The following RNF207 variants were observed in gnomAD, a reference collection of about 807,000 sequenced individuals.
RNF207 encodes the protein ring finger protein 207.
RNF207 carries 72 observed loss-of-function variants against 79.0 expected under a neutral mutation model. The observed-to-expected ratio is 0.91, with a 90% confidence interval of 0.75 to 1.11. The LOEUF (loss-of-function observed/expected upper bound fraction) is 1.11, where lower values mean the gene tolerates loss of function less well. RNF207 is among the 50% of genes least tolerant of loss of function. The pLI, the probability that RNF207 is intolerant of heterozygous loss-of-function variation, is 0.00. For synonymous variants in RNF207, 348 were observed against 366.2 expected, an observed-to-expected ratio of 0.95 and a Z score of 0.57; for missense variants, 936 against 855.8, an observed-to-expected ratio of 1.09 and a Z score of -1.17.
At chr1:6,213,705 G>T (rs1422923711) in intron 16 of RNF207, among the ~76,000 whole-genome samples, 1 of 152,160 alleles carries the variant, frequency 6.6e-6, no homozygotes, top group Non-Finnish European at 1.5e-5. Context: ...ACTTTCTAAG[G>T]GTGTCACGAG....
In RNF207 at chr1:6,212,291, A is replaced by G; in HGVS notation, c.1357A>G (p.Thr453Ala). 1 of 1,613,888 alleles carries G rather than the reference A, an allele frequency of 6.2e-7. No homozygotes were observed. Among genetic ancestry groups the G allele is most frequent in the Admixed American group, 1.7e-5 (1 of 60,000 alleles). Residue 453 changes from threonine to alanine, a missense_variant, in exon 14 of 18, where the codon ACC becomes GCC. Physicochemically the swap from Thr to Ala is moderately conservative, Grantham distance 58 (BLOSUM62 0). Transcript: ENST00000377939. ...GGTACAGGAGCTGCACCGAGACCTC[A>G]CCAAGCACCACTCGCTCATCAAGGC... ...DQVQELHRDL[T>A]KHHSLIKAEI...
At chr1:6,209,999 C>T (rs1047212259) in intron 8 of RNF207, 29 bp downstream of exon 8, 1 of 1,557,002 alleles carries the variant, frequency 6.4e-7, no homozygotes, top group Non-Finnish European at 8.7e-7. Context: ...GGCTTGCTTC[C>T]CTTACCCCTT....
chr1:6,206,228 G>C lies in RNF207; in HGVS notation c.-75G>C. On this transcript the variant is annotated 5_prime_UTR_variant, in exon 1 of 18. Transcript: ENST00000377939. ...GCGCGGTGTCTCAGAGCGCGGCCCG[G>C]AGCCGCACTAAGAGCGCTGGACGGC... 2 of 342,680 alleles carry C rather than the reference G, an allele frequency of 5.8e-6. No homozygotes were observed. Among genetic ancestry groups the C allele is most frequent in the Admixed American group, 4.7e-5 (1 of 21,066 alleles). 21.2% of individuals were successfully genotyped at this position (342,680 alleles called of 1,614,324 possible). A position where few individuals can be genotyped will look rare whatever the true frequency, so the allele number is the denominator to read the frequency against.
chr1:6,206,985 G>A (rs1467305394), intron 2 of RNF207, among the ~76,000 whole-genome samples: 2 of 152,234 alleles, frequency 1.3e-5, no homozygotes, highest in East Asian at 1.9e-4. Context: ...GAGGGTAAGG[G>A]CGGGGCTCCA....
rs1667981785 is a variant in RNF207 at position 6,207,990 on chromosome 1, C to T, written c.324+479C>T. ...CGGGAATCCCAGGAGGACGGCCCGA[C>T]TGGGGCAAAAGCTCCAGCGTTCTGG... On this transcript the variant is annotated intron_variant, in intron 3 of 17. Transcript: ENST00000377939. This position sits in a 1 kb window ranked among gnomAD's most constrained non-coding sequence, Gnocchi z 4.5. 1 of 329,982 alleles carries T rather than the reference C, an allele frequency of 3.0e-6. No homozygotes were observed. Among genetic ancestry groups the T allele is most frequent in the South Asian group, 2.5e-5 (1 of 39,866 alleles). The allele number at this position is 329,982 out of a possible 1,614,324, so 20.4% of individuals were successfully genotyped here. A position where few individuals can be genotyped will look rare whatever the true frequency, so the allele number is the denominator to read the frequency against.
Position 6,219,270 on chromosome 1 carries a change from A to G in RNF207, c.1768A>G (p.Lys590Glu). ...AGGAAGTGTCCCGGAAAAGAGAGAG[A>G]AGACATCAGAGCCTAAAGGAAACAG... ...NPGSVPEKRE[K>E]TSEPKGNSWA... The change falls in exon 18 of 18, where the codon AAG (lysine) becomes GAG (glutamate). Residue 590 changes from lysine to glutamate, a missense_variant. Coordinates refer to ENST00000377939, the MANE Select transcript of RNF207 (RefSeq NM_207396.3). 2 of 1,612,624 alleles carry G rather than the reference A, an allele frequency of 1.2e-6. No homozygotes were observed. The highest frequency in any genetic ancestry group is 1.7e-6 in the Non-Finnish European group (2 of 1,179,446).
rs191241219 is a variant in RNF207 at position 6,218,997 on chromosome 1, T to C, written c.1734-239T>C. On this transcript the variant is annotated intron_variant, in intron 17 of 17. Coordinates refer to ENST00000377939, the MANE Select transcript of RNF207 (RefSeq NM_207396.3). The stretch of plus-strand genomic sequence containing the variant: ...AGATGCTTCCAAATTCAAAATGCAG[T>C]GTCACCAGAAACCGCTGACACAGGC... Among the ~76,000 whole-genome samples, 6 of 152,202 alleles carry C rather than the reference T, an allele frequency of 3.9e-5. No homozygotes were observed. In the East Asian group the frequency reaches 9.7e-4, roughly 24 times the overall value.
In RNF207 at chr1:6,219,446, G is replaced by A; in HGVS notation, c.*39G>A. The A allele has an allele frequency of 1.4e-6, 2 of 1,472,116 alleles. No individual in the cohort carries two copies. Among genetic ancestry groups the A allele is most frequent in the Non-Finnish European group, 1.9e-6 (2 of 1,078,816 alleles). 91.2% of individuals were successfully genotyped at this position (1,472,116 alleles called of 1,614,324 possible). A position where few individuals can be genotyped will look rare whatever the true frequency, so the allele number is the denominator to read the frequency against. ...TCCCCAGGGTCAGGCTCTTAGAGCAGGCACAAGACTGGGACACTGGACAGA... is the reference window on the plus strand; with the variant it reads ...TCCCCAGGGTCAGGCTCTTAGAGCAAGCACAAGACTGGGACACTGGACAGA... On this transcript the variant is annotated 3_prime_UTR_variant, in exon 18 of 18. Coordinates refer to ENST00000377939, the MANE Select transcript of RNF207 (RefSeq NM_207396.3).
At position 6,219,305 on chromosome 1, in the gene RNF207, G is replaced by GA; in HGVS notation, c.1805dup (p.Asn602LysfsTer113). On this transcript the variant is annotated frameshift_variant, in exon 18 of 18. Transcript: ENST00000377939. LOFTEE classifies it low-confidence loss of function (END_TRUNC). ...AGCCTAAAGGAAACAGCTGGGCTCC[G>GA]AACGGCCTCTCAGAAGAGCCTCTAC... The GA allele has an allele frequency of 6.2e-7, 1 of 1,613,566 alleles. No individual in the cohort carries two copies. The highest frequency in any genetic ancestry group is 8.5e-7 in the Non-Finnish European group (1 of 1,179,758).
At chr1:6,212,761 C>A in intron 15 of RNF207, 28 bp downstream of exon 15, 1 of 1,590,502 alleles carries the variant, frequency 6.3e-7, no homozygotes, top group Non-Finnish European at 8.6e-7. Context: ...GCCGAGTGAA[C>A]CCTCTGTCCC....
chr1:6,209,775 C>A (rs1668081318), intron 7 of RNF207, 149 bp from the exon 8 acceptor site: 4 of 980,570 alleles, frequency 4.1e-6, no homozygotes, highest in South Asian at 1.8e-5. Flanking sequence ...GTGACGGGAC[C>A]CAAGCCCTCA....
intron 16 of RNF207, among the ~76,000 whole-genome samples, chr1:6,215,084 A>G (rs990453614): frequency 6.7e-6 from 1 of 149,372 alleles, no homozygotes; most frequent in Admixed American, 6.7e-5. Context: ...GCTGGAGTGC[A>G]ATGATGTGAT....
intron 16 of RNF207, among the ~76,000 whole-genome samples, chr1:6,216,957 T>C (rs576716280): frequency 2.8e-4 from 42 of 150,676 alleles, no homozygotes; most frequent in African/African-American, 1.0e-3. Context: ...GCAGCCGCGA[T>C]CTCCCAGGCT....
In RNF207 at chr1:6,206,498, G is replaced by C. The variant is rs1204749132; in HGVS notation, c.1-38G>C. Reference sequence around the variant, plus strand: ...GCCGCGGGAGCTCAAGCGGGGCTCCGTGCGTGCCCCAGCCGCCCGCTTGCG... The same window carrying C: ...GCCGCGGGAGCTCAAGCGGGGCTCCCTGCGTGCCCCAGCCGCCCGCTTGCG... On this transcript the variant is annotated intron_variant, in intron 1 of 17. Coordinates refer to ENST00000377939, the MANE Select transcript of RNF207 (RefSeq NM_207396.3). 4 of 1,485,712 alleles carry C rather than the reference G, an allele frequency of 2.7e-6. No individual in the cohort carries two copies. The African/African-American group carries it at 4.2e-5, about 16-fold the overall frequency. The allele number at this position is 1,485,712 out of a possible 1,614,324, so 92.0% of individuals were successfully genotyped here. A position where few individuals can be genotyped will look rare whatever the true frequency, so the allele number is the denominator to read the frequency against.
chr1:6,218,908 C>T (rs1440527165), intron 17 of RNF207, among the ~76,000 whole-genome samples: 1 of 152,176 alleles, frequency 6.6e-6, no homozygotes, highest in African/African-American at 2.4e-5. Flanking sequence ...AGAGTCACAG[C>T]GCGGCTGGTG....
intron 17 of RNF207, 62 bp downstream of exon 17, chr1:6,218,431 G>C: frequency 7.9e-7 from 1 of 1,272,008 alleles, no homozygotes. Flanking sequence ...CCAACAGGAC[G>C]ACAAAGGAAA....
In RNF207 at chr1:6,206,703, C is replaced by T. The variant is rs767213754; in HGVS notation, c.168C>T (p.Gly56=). The change falls in exon 2 of 18, where the codon GGC becomes GGT. Residue 56 remains glycine (G), a synonymous_variant. Transcript: ENST00000377939. ...AGCLRGRATD[G]RLTCPLCQHQ... is the part of the protein sequence containing the mutation. ...GCCTGCGTGGCCGCGCGACCGACGG[C>T]CGCCTCACCTGCCCGCTGTGCCAGT... is the stretch of plus-strand genomic sequence containing the variant. 6.2e-7 allele frequency: 1 copy of T among 1,602,248 alleles called. No individual in the cohort carries two copies. The highest frequency in any genetic ancestry group is 1.1e-5 in the South Asian group (1 of 91,010).
chr1:6,208,973 C>G lies in RNF207; in HGVS notation c.417C>G (p.Arg139=). Residue 139 remains arginine, a synonymous_variant, in exon 4 of 18, where the codon CGC becomes CGG. Coordinates refer to ENST00000377939, the MANE Select transcript of RNF207 (RefSeq NM_207396.3). The stretch of plus-strand genomic sequence containing the variant: ...CGCACCGAGCACGCATGTTCGCGCG[C>G]CACGACATCGTGGCCCTGGGTCAGC... ...DETHRARMFA[R]HDIVALGQRS... The G allele has an allele frequency of 6.5e-7, 1 of 1,537,734 alleles. No homozygotes were observed. The highest frequency in any genetic ancestry group is 8.7e-7 in the Non-Finnish European group (1 of 1,145,940).
chr1:6,212,950 T>C (rs533448716), intron 15 of RNF207, 116 bp from the exon 16 acceptor site: 2 of 802,774 alleles, frequency 2.5e-6, no homozygotes, highest in East Asian at 2.4e-5. Context: ...CCTCCCTCTT[T>C]AATTAGAGGT....
Sources: gnomAD v4.1 joint callset for allele counts (sites outside exome capture counted in the v4.1 genomes callset) on GRCh38, gnomAD v4.1.1 for gene constraint, Gnocchi (gnomAD v3.1) non-coding constraint, MANE v1.5 for transcripts, NCBI Gene and HGNC (gene_info 2026-07-23, HGNC 2026-07-21) for gene names.